Variants in PDE3A observed in about 807,000 individuals in gnomAD.
PDE3A encodes cGMP-inhibited 3',5'-cyclic phosphodiesterase 3A.
In PDE3A, 43 loss-of-function variants were observed where a neutral mutation model predicts 98.3. That is an observed-to-expected ratio of 0.44 (90% confidence interval 0.34 to 0.56). PDE3A has a LOEUF of 0.56. Among genes scored for constraint, PDE3A ranks in the 20% least tolerant of loss-of-function variants. The pLI is 0.01. For missense variants in PDE3A, 1,427 were observed against 1,440.7 expected, an observed-to-expected ratio of 0.99 and a Z score of 0.15; for synonymous variants, 663 against 567.9, an observed-to-expected ratio of 1.17 and a Z score of -2.38.
intron 1 of PDE3A, among the ~76,000 whole-genome samples, chr12:20,535,478 G>C (rs1029315196): frequency 4.6e-5 from 7 of 152,154 alleles, no homozygotes; most frequent in African/African-American, 4.8e-5. Context: ...ATTCCACGGA[G>C]TAAAAGCACT....
chr12:20,580,480 G>T (rs1050054406), intron 2 of PDE3A, among the ~76,000 whole-genome samples: 2 of 152,122 alleles, frequency 1.3e-5, no homozygotes, highest in African/African-American at 2.4e-5. Context: ...GTTGTTTGGG[G>T]TGGAAGAGAA....
At chr12:20,621,446 G>C (rs891672810) in intron 5 of PDE3A, 35 bp downstream of exon 5, 3 of 1,084,900 alleles carry the variant, frequency 2.8e-6, no homozygotes, top group Non-Finnish European at 2.9e-6. Flanking sequence ...TTCATACTGT[G>C]AGTGTGGAGT....
At chr12:20,613,287 T>G (rs191045985) in intron 2 of PDE3A, among the ~76,000 whole-genome samples, 156 bp from the exon 3 acceptor site, 1 of 152,306 alleles carries the variant, frequency 6.6e-6, no homozygotes, top group East Asian at 1.9e-4. Context: ...TAGGGCACAT[T>G]TTAGCAGAAT....
At chr12:20,489,690 A>G (rs1227617817) in intron 1 of PDE3A, among the ~76,000 whole-genome samples, 1 of 152,152 alleles carries the variant, frequency 6.6e-6, no homozygotes, top group African/African-American at 2.4e-5. Flanking sequence ...TGCCTCACCT[A>G]CAGACAAAAT....
chr12:20,527,393 C>A (rs1305786879), intron 1 of PDE3A, among the ~76,000 whole-genome samples: 1 of 152,070 alleles, frequency 6.6e-6, no homozygotes, highest in Non-Finnish European at 1.5e-5. Flanking sequence ...CTAATAGTTG[C>A]CCCTTTTCCT....
At chr12:20,528,036 T>C (rs1173551899) in intron 1 of PDE3A, among the ~76,000 whole-genome samples, 8 of 152,064 alleles carry the variant, frequency 5.3e-5, no homozygotes, top group Non-Finnish European at 1.0e-4. Context: ...TTTGTAAGAA[T>C]GGGCCCAGTC....
chr12:20,579,584 C>G (rs1438157765), intron 2 of PDE3A, among the ~76,000 whole-genome samples: 1 of 152,106 alleles, frequency 6.6e-6, no homozygotes, highest in African/African-American at 2.4e-5. Context: ...AGCAGTGTTA[C>G]CATATGCTCC....
chr12:20,369,569 G>T lies in PDE3A; in HGVS notation c.285G>T (p.Ala95=), dbSNP rs765045874. The part of the protein sequence containing the change: ...VGCDLEQCKE[A]AAAEEEEAAP... ...GTGACCTGGAGCAGTGTAAGGAGGC[G>T]GCGGCGGCGGAGGAGGAGGAAGCAG... The change falls in exon 1 of 16, where the codon GCG becomes GCT. Residue 95 remains alanine (A), a synonymous_variant. Coordinates refer to ENST00000359062, the MANE Select transcript of PDE3A (RefSeq NM_000921.5). The T allele has an allele frequency of 5.1e-6, 8 of 1,554,574 alleles. No homozygotes were observed. Among genetic ancestry groups the T allele is most frequent in the African/African-American group, 1.4e-5 (1 of 73,474 alleles).
Position 20,630,051 on chromosome 12 carries a change from C to T in PDE3A, c.1684C>T (p.His562Tyr). The T allele has an allele frequency of 6.2e-7, 1 of 1,614,034 alleles. No homozygotes were observed. The highest frequency in any genetic ancestry group is 8.5e-7 in the Non-Finnish European group (1 of 1,179,938). Residue 562 changes from histidine (H) to tyrosine (Y), a missense_variant, in exon 6 of 16, where the codon CAC becomes TAC. By Grantham distance (83) the His-to-Tyr change is moderately conservative (BLOSUM62 2). Around this residue, in one of 3 missense-constraint regions of PDE3A, gnomAD observed 1,012 missense variants for 886.5 expected, o/e 1.14. Transcript: ENST00000359062. ...AACTGCCAAACAAAGCCTAGGTTCT[C>T]ACAGGGCCTTAACTTACACTCAGAG... ...DTTAKQSLGSHRALTYTQSAP... is the reference protein window; with the variant it reads ...DTTAKQSLGSYRALTYTQSAP...
intron 2 of PDE3A, among the ~76,000 whole-genome samples, chr12:20,566,425 T>C (rs1176575942): frequency 1.3e-5 from 2 of 152,034 alleles, no homozygotes; most frequent in African/African-American, 4.8e-5. Flanking sequence ...TTTTAGAATT[T>C]TGTAATCATA....
intron 2 of PDE3A, among the ~76,000 whole-genome samples, chr12:20,573,852 A>G (rs1417238277): frequency 1.3e-5 from 2 of 152,124 alleles, no homozygotes; most frequent in Admixed American, 6.6e-5. Context: ...TACAAGGTCA[A>G]TCTTCGAGTA....
intron 1 of PDE3A, among the ~76,000 whole-genome samples, chr12:20,536,459 C>T (rs1204117914): frequency 6.6e-6 from 1 of 151,976 alleles, no homozygotes; most frequent in Non-Finnish European, 1.5e-5. Flanking sequence ...AGTTATGGAG[C>T]TATCGCCACT....
At position 20,685,352 on chromosome 12, in the gene PDE3A, T is replaced by C. The variant is rs1433370697; in HGVS notation, c.*5081T>C. ...TGAACCTGGGAGGCAGAGGTTATGG[T>C]GAGCTGAGATTGCACCATTGCACTC... On this transcript the variant is annotated 3_prime_UTR_variant, in exon 16 of 16. Transcript: ENST00000359062. 7.3e-6 allele frequency among the ~76,000 whole-genome samples: 1 copy of C among 136,476 alleles called. No homozygotes were observed. Among genetic ancestry groups the C allele is most frequent in the Non-Finnish European group, 1.5e-5 (1 of 66,350 alleles). 89.5% of individuals were successfully genotyped at this position (136,476 alleles called of 152,430 possible). A position where few individuals can be genotyped will look rare whatever the true frequency, so the allele number is the denominator to read the frequency against.
In PDE3A at chr12:20,556,575, A is replaced by G. The variant is rs1365550033; in HGVS notation, c.961-85A>G. On this transcript the variant is annotated intron_variant, in intron 1 of 15. Transcript: ENST00000359062. ...ATATATTACTAATAAAGATTGGAAC[A>G]ACCTGATTATTCTTTAAAATAAAGA... 7 of 878,078 alleles carry G rather than the reference A, an allele frequency of 8.0e-6. No homozygotes were observed. In the East Asian group the frequency reaches 1.8e-4, roughly 23 times the overall value. 54.4% of individuals were successfully genotyped at this position (878,078 alleles called of 1,614,324 possible).
At chr12:20,651,923 C>G (rs1467527196) in intron 14 of PDE3A, among the ~76,000 whole-genome samples, 1 of 151,868 alleles carries the variant, frequency 6.6e-6, no homozygotes, top group South Asian at 2.1e-4. Context: ...CCCTCCTCCC[C>G]CCACCCCACA....
intron 1 of PDE3A, among the ~76,000 whole-genome samples, chr12:20,486,983 GTA>G (rs1390527566): frequency 6.6e-6 from 1 of 152,160 alleles, no homozygotes; most frequent in African/African-American, 2.4e-5. Flanking sequence ...AGAGATACGT[GTA>G]GAGACTTTCA....
intron 2 of PDE3A, among the ~76,000 whole-genome samples, chr12:20,573,131 A>T (rs1360571592): frequency 1.9e-4 from 29 of 152,118 alleles, no homozygotes; most frequent in Non-Finnish European, 5.9e-5. Context: ...CTGTAACAAA[A>T]CATAAAAGAT....
chr12:20,617,555 C>G (rs994579924), intron 4 of PDE3A, among the ~76,000 whole-genome samples: 12 of 152,100 alleles, frequency 7.9e-5, no homozygotes, highest in African/African-American at 2.4e-4. Context: ...AAATATTGAT[C>G]ATTGACAATT....
chr12:20,596,802 T>C (rs1479516342), intron 2 of PDE3A, among the ~76,000 whole-genome samples: 1 of 152,192 alleles, frequency 6.6e-6, no homozygotes, highest in Non-Finnish European at 1.5e-5. Context: ...TCTTGGAGTT[T>C]ACTGATGATG....
Sources: gnomAD v4.1 joint callset for allele counts (sites outside exome capture counted in the v4.1 genomes callset) on GRCh38, gnomAD v4.1.1 for gene constraint, gnomAD v4.1.1 regional missense constraint, MANE v1.5 for transcripts, NCBI Gene and HGNC (gene_info 2026-07-23, HGNC 2026-07-21) for gene names.